Variants in CHN2 observed in about 807,000 individuals in gnomAD.
CHN2 encodes chimerin 2.
Under a neutral mutation model 56.3 loss-of-function variants are expected in CHN2, and 35 were observed. The observed-to-expected ratio is 0.62, with a 90% confidence interval of 0.47 to 0.82. The LOEUF is 0.82. Ranked by LOEUF, CHN2 falls within the 40% of genes least tolerant of loss-of-function variation. The pLI is 0.00. For synonymous variants in CHN2, 210 were observed against 212.8 expected (o/e 0.99, Z 0.12); for missense variants, 491 against 580.5 (o/e 0.85, Z 1.58).
chr7:29,237,418 C>T (rs1481738147), intron 1 of CHN2, among the ~76,000 whole-genome samples: 1 of 152,160 alleles, frequency 6.6e-6, no homozygotes, highest in African/African-American at 2.4e-5. Flanking sequence ...AGGAATATGA[C>T]ATACCTTTTC....
Position 29,273,326 on chromosome 7 carries a change from C to CATATAT in CHN2, c.49+78345_49+78350dup, listed in dbSNP as rs139183819. ...TAAGGCTGAATAATATTCCATCATG[C>CATATAT]ATATATATATATATGTGTATATATA... On this transcript the variant is annotated intron_variant, in intron 1 of 12. Transcript: ENST00000222792. Among the ~76,000 whole-genome samples, 166 of 79,752 alleles carry CATATAT rather than the reference C, an allele frequency of 2.1e-3. 4 individuals carry two copies. Among genetic ancestry groups the CATATAT allele is most frequent in the African/African-American group, 5.0e-3 (93 of 18,726 alleles). 52.3% of individuals were successfully genotyped at this position (79,752 alleles called of 152,430 possible).
intron 1 of CHN2, chr7:29,146,833 T>C: frequency 2.6e-6 from 4 of 1,550,726 alleles, no homozygotes; most frequent in Non-Finnish European, 3.5e-6. Flanking sequence ...ATTTTGAAAT[T>C]ATTTCTGCAC....
intron 1 of CHN2, among the ~76,000 whole-genome samples, chr7:29,222,779 A>T (rs1785904570): frequency 6.6e-6 from 1 of 152,184 alleles, no homozygotes; most frequent in Non-Finnish European, 1.5e-5. Context: ...ACAAAACACC[A>T]AGAATAACTG....
chr7:29,480,448 CA>C, intron 7 of CHN2, 92 bp downstream of exon 7: 5 of 1,313,584 alleles, frequency 3.8e-6, no homozygotes, highest in Non-Finnish European at 4.3e-6. Context: ...ACTGTAAAGT[CA>C]AGAGACAATG....
At chr7:29,211,890 A>ATGT (rs1242906316) in intron 1 of CHN2, among the ~76,000 whole-genome samples, 1 of 152,232 alleles carries the variant, frequency 6.6e-6, no homozygotes, top group Non-Finnish European at 1.5e-5. Context: ...ATATTTTAAT[A>ATGT]ACTTTTTATA....
intron 2 of CHN2, among the ~76,000 whole-genome samples, chr7:29,173,130 CAAA>C (rs56379349): frequency 8.7e-5 from 7 of 80,144 alleles, no homozygotes; most frequent in Non-Finnish European, 1.6e-4. Flanking sequence ...GACTCTGTAT[CAAA>C]AAAAAAAAAA....
At chr7:29,508,929 T>C (rs1790944369) in intron 11 of CHN2, among the ~76,000 whole-genome samples, 1 of 149,698 alleles carries the variant, frequency 6.7e-6, no homozygotes, top group Admixed American at 6.6e-5. Flanking sequence ...CCGTATGTGG[T>C]GCAGTTTAAA....
At chr7:29,231,880 T>C (rs184357022) in intron 1 of CHN2, among the ~76,000 whole-genome samples, 1 of 152,342 alleles carries the variant, frequency 6.6e-6, no homozygotes, top group African/African-American at 2.4e-5. Context: ...GAACAGATCA[T>C]CTTACTAATT....
intron 4 of CHN2, among the ~76,000 whole-genome samples, chr7:29,396,459 CAAAAAAAAAAAA>C (rs35163855): frequency 1.8e-5 from 1 of 56,508 alleles, no homozygotes; most frequent in Non-Finnish European, 3.1e-5. Context: ...AGACTCTCTC[CAAAAAAAAAAAA>C]AAAAAAAAAA....
intron 1 of CHN2, among the ~76,000 whole-genome samples, chr7:29,346,526 G>C (rs114795770): frequency 0.021 from 3,231 of 152,360 alleles, 110 homozygotes; most frequent in African/African-American, 0.073. Flanking sequence ...TGACAGCACA[G>C]ATCTGGCTTT....
intron 6 of CHN2, among the ~76,000 whole-genome samples, chr7:29,408,169 G>A (rs1188394424): frequency 1.3e-5 from 2 of 151,082 alleles, no homozygotes; most frequent in African/African-American, 2.4e-5. Context: ...CAGCCTGGAC[G>A]GCGGAGTGAG....
chr7:29,453,240 G>A (rs1483848633), intron 6 of CHN2, among the ~76,000 whole-genome samples: 2 of 152,196 alleles, frequency 1.3e-5, no homozygotes, highest in African/African-American at 4.8e-5. Flanking sequence ...TGCTGAGGCC[G>A]CTGCACTCTG....
intron 1 of CHN2, among the ~76,000 whole-genome samples, chr7:29,218,616 T>C (rs1337078838): frequency 6.6e-6 from 1 of 152,064 alleles, no homozygotes; most frequent in Non-Finnish European, 1.5e-5. Context: ...TGGAATACTA[T>C]GCAGCCATAA....
intron 1 of CHN2, among the ~76,000 whole-genome samples, chr7:29,316,047 T>C (rs1047531827): frequency 4.6e-5 from 7 of 152,350 alleles, no homozygotes; most frequent in East Asian, 1.9e-4. Flanking sequence ...CACAAATTCA[T>C]TGGGCAAGCC....
At chr7:29,375,831 A>G (rs1484310086) in intron 3 of CHN2, among the ~76,000 whole-genome samples, 5 of 152,194 alleles carry the variant, frequency 3.3e-5, no homozygotes, top group Admixed American at 2.6e-4. Context: ...GCAGCCCCAT[A>G]TTAAGTCTGC....
chr7:29,441,649 T>C (rs1476861783), intron 6 of CHN2, among the ~76,000 whole-genome samples: 4 of 151,936 alleles, frequency 2.6e-5, no homozygotes, highest in African/African-American at 9.7e-5. Context: ...CCAAAGAAAA[T>C]ACACAAATGG....
At chr7:29,316,008 G>A (rs1376795219) in intron 1 of CHN2, among the ~76,000 whole-genome samples, 1 of 152,174 alleles carries the variant, frequency 6.6e-6, no homozygotes, top group African/African-American at 2.4e-5. Context: ...TGGGGTATGA[G>A]GGAAACTGAA....
rs545205189 is a variant in CHN2, at chr7:29,331,264, A to T, written c.50-23361A>T. On this transcript the variant is annotated intron_variant, in intron 1 of 12. Transcript: ENST00000222792. ...CAGTTAATGGAGGGTCTGTTGACAGAGGTGTCGGCAGATTGAGAGAACTAA... is the reference window on the plus strand; with the variant it reads ...CAGTTAATGGAGGGTCTGTTGACAGTGGTGTCGGCAGATTGAGAGAACTAA... Among the ~76,000 whole-genome samples the T allele has an allele frequency of 2.4e-3, 371 of 152,302 alleles. 3 individuals carry two copies. Among genetic ancestry groups the T allele is most frequent in the African/African-American group, 8.6e-3 (358 of 41,548 alleles).
chr7:29,330,850 G>A (rs1273352957), intron 1 of CHN2, among the ~76,000 whole-genome samples: 1 of 152,176 alleles, frequency 6.6e-6, no homozygotes, highest in Non-Finnish European at 1.5e-5. Context: ...CCATTTAAAG[G>A]TGTATGGTAT....
Sources: allele counts gnomAD v4.1 joint callset (sites outside exome capture counted in the v4.1 genomes callset), GRCh38; gene constraint gnomAD v4.1.1; transcripts MANE v1.5; gene names NCBI Gene and HGNC (gene_info 2026-07-23, HGNC 2026-07-21).